CUL1: variants seen among roughly 807,000 people sequenced by gnomAD.
The protein encoded by CUL1 is cullin-1.
CUL1 carries 24 observed loss-of-function variants against 118.0 expected under a neutral mutation model. The observed-to-expected ratio is 0.20, with a 90% confidence interval of 0.15 to 0.29. The LOEUF is 0.29. CUL1 is among the 10% of genes least tolerant of loss of function. The pLI is 1.00. For missense variants in CUL1, 361 were observed against 933.8 expected, an observed-to-expected ratio of 0.39 and a Z score of 7.99; for synonymous variants, 332 against 340.4, an observed-to-expected ratio of 0.98 and a Z score of 0.27.
intron 1 of CUL1, among the ~76,000 whole-genome samples, chr7:148,714,425 G>T (rs530750131): frequency 6.6e-6 from 1 of 152,234 alleles, no homozygotes; most frequent in East Asian, 1.9e-4. Flanking sequence ...CTGGGTGCTG[G>T]ATCTCCTGAG....
At chr7:148,750,622 A>G (rs1315518770) in intron 2 of CUL1, among the ~76,000 whole-genome samples, 1 of 152,062 alleles carries the variant, frequency 6.6e-6, no homozygotes, top group Non-Finnish European at 1.5e-5. Context: ...GTGGTAAAGA[A>G]CATGAACTCA....
At chr7:148,753,933 T>C (rs1282435916) in intron 2 of CUL1, 43 bp from the exon 3 acceptor site, 1 of 1,435,326 alleles carries the variant, frequency 7.0e-7, no homozygotes, top group Non-Finnish European at 9.5e-7. Context: ...TAATGACCGT[T>C]AACGTCTGTG....
intron 1 of CUL1, among the ~76,000 whole-genome samples, chr7:148,721,233 G>A (rs969573162): frequency 1.3e-5 from 2 of 152,088 alleles, no homozygotes; most frequent in South Asian, 4.1e-4. Context: ...GTGAACACCC[G>A]CCAACCCATT....
At chr7:148,766,773 T>C (rs1360701619) in intron 8 of CUL1, 50 bp downstream of exon 8, 4 of 1,475,366 alleles carry the variant, frequency 2.7e-6, no homozygotes, top group South Asian at 1.3e-5. Flanking sequence ...ATCTGTAGTT[T>C]TGATATTGCT....
chr7:148,735,221 G>A (rs1363734993), intron 2 of CUL1, among the ~76,000 whole-genome samples: 2 of 152,202 alleles, frequency 1.3e-5, no homozygotes, highest in Non-Finnish European at 2.9e-5. Context: ...GATAAGGTTC[G>A]TGATTGCTGG....
intron 2 of CUL1, among the ~76,000 whole-genome samples, chr7:148,735,445 G>A (rs73745350): frequency 6.6e-6 from 1 of 152,318 alleles, no homozygotes; most frequent in African/African-American, 2.4e-5. Context: ...GCAGGGGAGT[G>A]CTCAGGTGGC....
chr7:148,757,867 T>A (rs1799707250), intron 4 of CUL1, among the ~76,000 whole-genome samples: 1 of 152,090 alleles, frequency 6.6e-6, no homozygotes, highest in African/African-American at 2.4e-5. Flanking sequence ...AACCATCAGA[T>A]CTCGTGAGAC....
chr7:148,741,727 C>T (rs2129459947), intron 2 of CUL1, among the ~76,000 whole-genome samples: 1 of 144,606 alleles, frequency 6.9e-6, no homozygotes, highest in African/African-American at 2.7e-5. Context: ...GTGCGCATCA[C>T]CATGCCCAGC....
intron 9 of CUL1, among the ~76,000 whole-genome samples, chr7:148,769,026 G>C (rs3779033): frequency 0.056 from 8,559 of 152,158 alleles, 315 homozygotes; most frequent in South Asian, 0.12. Context: ...CTTAAGTACA[G>C]AGTCCTCAGT....
At chr7:148,720,510 T>G (rs970682343) in intron 1 of CUL1, among the ~76,000 whole-genome samples, 4 of 151,940 alleles carry the variant, frequency 2.6e-5, no homozygotes, top group Non-Finnish European at 5.9e-5. Context: ...TGACCCTCAG[T>G]TGAAAGTCTT....
In CUL1 at chr7:148,744,666, A is replaced by G. The variant is rs77189301; in HGVS notation, c.141-9310A>G. On this transcript the variant is annotated intron_variant, in intron 2 of 21. Transcript: ENST00000325222. ...GTTTTAAACCATCCTTTGTATTTTA[A>G]AGAATTAAGAAAAGTATATTTACCC... Among the ~76,000 whole-genome samples the G allele has an allele frequency of 3.9e-4, 60 of 152,254 alleles. No homozygotes were observed. The East Asian group carries it at 0.01, about 26-fold the overall frequency.
rs1304612106 is a variant in CUL1, at chr7:148,746,271, A to G, written c.141-7705A>G. Reference sequence around the variant, plus strand: ...CTGGAAGCAACTGCTACATTGATTCATTGATTCGAGTGCATTGCAAAGTCA... The same window carrying G: ...CTGGAAGCAACTGCTACATTGATTCGTTGATTCGAGTGCATTGCAAAGTCA... On this transcript the variant is annotated intron_variant, in intron 2 of 21. Transcript: ENST00000325222. 2.0e-5 allele frequency among the ~76,000 whole-genome samples: 3 copies of G among 152,224 alleles called. No individual in the cohort carries two copies. In the East Asian group the frequency reaches 5.8e-4, roughly 29 times the overall value.
At chr7:148,773,608 G>A (rs866099582) in intron 9 of CUL1, among the ~76,000 whole-genome samples, 21 of 152,140 alleles carry the variant, frequency 1.4e-4, no homozygotes, top group East Asian at 5.8e-4. Context: ...GGTGAAGGCC[G>A]TCTGCTGCAG....
chr7:148,784,140 A>G, intron 11 of CUL1, 63 bp downstream of exon 11: 2 of 1,268,278 alleles, frequency 1.6e-6, no homozygotes, highest in Non-Finnish European at 2.3e-6. Context: ...TATATGAGGA[A>G]TTAAAACCTA....
chr7:148,733,694 C>T (rs1356259223), intron 2 of CUL1, among the ~76,000 whole-genome samples: 2 of 152,174 alleles, frequency 1.3e-5, no homozygotes, highest in Non-Finnish European at 2.9e-5. Flanking sequence ...TAGTATCACT[C>T]TGCAAAATTA....
At chr7:148,703,179 C>T (rs1244308572) in intron 1 of CUL1, among the ~76,000 whole-genome samples, 1 of 152,186 alleles carries the variant, frequency 6.6e-6, no homozygotes, top group Non-Finnish European at 1.5e-5. Flanking sequence ...GCTTTAAGGA[C>T]TGATATCTGA....
chr7:148,725,247 A>ACG (rs1249684580), intron 1 of CUL1, among the ~76,000 whole-genome samples: 1 of 150,934 alleles, frequency 6.6e-6, no homozygotes, highest in African/African-American at 2.4e-5. Flanking sequence ...ACACACACAC[A>ACG]CCCGTACCCC....
intron 1 of CUL1, among the ~76,000 whole-genome samples, chr7:148,727,762 G>A (rs143487806): frequency 6.6e-6 from 1 of 152,154 alleles, no homozygotes; most frequent in East Asian, 2.0e-4. Flanking sequence ...AGGAGACTGA[G>A]GTGGCAAGGG....
chr7:148,718,383 T>C, intron 1 of CUL1, among the ~76,000 whole-genome samples: 1 of 152,136 alleles, frequency 6.6e-6, no homozygotes, highest in East Asian at 1.9e-4. Flanking sequence ...CACTCCCCAT[T>C]CCCACCATCC....
Sources: gnomAD v4.1 joint callset for allele counts (sites outside exome capture counted in the v4.1 genomes callset) on GRCh38, gnomAD v4.1.1 for gene constraint, MANE v1.5 for transcripts, NCBI Gene and HGNC (gene_info 2026-07-23, HGNC 2026-07-21) for gene names.